Variants in MSRB3 observed in about 807,000 individuals in gnomAD.
The protein encoded by MSRB3 is methionine sulfoxide reductase B3, also known as methionine-R-sulfoxide reductase B3.
In MSRB3, 13 loss-of-function variants were observed where a neutral mutation model predicts 21.0. The ratio of observed to expected loss-of-function variants is 0.62; its 90% CI spans 0.40 to 0.98. The LOEUF (loss-of-function observed/expected upper bound fraction) is 0.98, where lower values mean the gene tolerates loss of function less well. MSRB3 is among the 50% of genes least tolerant of loss of function. MSRB3 has a pLI of 0.00. For synonymous variants in MSRB3, 87 were observed against 88.6 expected (o/e 0.98, Z 0.10); for missense variants, 199 against 230.3 (o/e 0.86, Z 0.88).
chr12:65,362,874 G>T (rs1156800449), intron 4 of MSRB3, among the ~76,000 whole-genome samples: 1 of 152,098 alleles, frequency 6.6e-6, no homozygotes, highest in African/African-American at 2.4e-5. Context: ...GTCACTGGTC[G>T]GTGAAGGCCT....
At chr12:65,441,529 C>A (rs935353024) in intron 5 of MSRB3, among the ~76,000 whole-genome samples, 1 of 151,866 alleles carries the variant, frequency 6.6e-6, no homozygotes, top group Non-Finnish European at 1.5e-5. Context: ...GTAACAGGAA[C>A]GTATATAGAA....
At chr12:65,387,391 A>G (rs557816941) in intron 5 of MSRB3, among the ~76,000 whole-genome samples, 1 of 152,164 alleles carries the variant, frequency 6.6e-6, no homozygotes, top group East Asian at 1.9e-4. Flanking sequence ...TCCAGCTCTG[A>G]ATATTTCTAT....
rs199788089 is a variant in MSRB3 at position 65,463,312 on chromosome 12, C to T, written c.548C>T (p.Ala183Val). Residue 183 changes from alanine (A) to valine (V), a missense_variant, in exon 7 of 7, where the codon GCG becomes GTG. Ala to Val is a moderately conservative substitution (Grantham distance 64). Transcript: ENST00000308259. ...GCCAGCCCGGCCCAGGCAGACAAAG[C>T]GGAGCTCTAGAGTAATGGAGAGTGA... ...GVASPAQADK[A>V]EL is the part of the protein sequence containing the mutation. The T allele has an allele frequency of 9.9e-6, 16 of 1,613,988 alleles. No homozygotes were observed. The highest frequency in any genetic ancestry group is 8.3e-5 in the Admixed American group (5 of 59,992).
chr12:65,460,186 A>G (rs947349996), intron 6 of MSRB3, among the ~76,000 whole-genome samples: 2 of 152,236 alleles, frequency 1.3e-5, no homozygotes, highest in Non-Finnish European at 1.5e-5. Context: ...AACCAGGTGT[A>G]CTGAGAAACC....
intron 1 of MSRB3, among the ~76,000 whole-genome samples, chr12:65,303,987 A>T (rs12300482): frequency 0.04 from 6,134 of 152,264 alleles, 413 homozygotes; most frequent in African/African-American, 0.14. Context: ...AAAAGGCTGA[A>T]GAGTTCAGCA....
At chr12:65,429,481 G>A (rs1881776511) in intron 5 of MSRB3, among the ~76,000 whole-genome samples, 1 of 152,088 alleles carries the variant, frequency 6.6e-6, no homozygotes, top group Admixed American at 6.6e-5. Flanking sequence ...TGGAGAGGTA[G>A]GCAGGAGTTG....
chr12:65,425,700 A>G (rs567754246), intron 5 of MSRB3, among the ~76,000 whole-genome samples: 11 of 151,622 alleles, frequency 7.3e-5, no homozygotes, highest in Non-Finnish European at 1.3e-4. Flanking sequence ...TTTTTTTTGT[A>G]TATCCCTCAG....
At chr12:65,396,613 C>T (rs1445878608) in intron 5 of MSRB3, among the ~76,000 whole-genome samples, 1 of 151,490 alleles carries the variant, frequency 6.6e-6, no homozygotes, top group Non-Finnish European at 1.5e-5. Flanking sequence ...ATCACTTGAA[C>T]CCGGGAAGCA....
At chr12:65,396,935 T>A (rs1879851493) in intron 5 of MSRB3, among the ~76,000 whole-genome samples, 1 of 152,154 alleles carries the variant, frequency 6.6e-6, no homozygotes, top group Non-Finnish European at 1.5e-5. Context: ...ACCTGCTGGG[T>A]CTGTCCATTT....
intron 4 of MSRB3, among the ~76,000 whole-genome samples, chr12:65,363,476 T>G (rs1204542273): frequency 6.6e-6 from 1 of 152,190 alleles, no homozygotes; most frequent in Non-Finnish European, 1.5e-5. Flanking sequence ...AATGCATATA[T>G]TACATAATTT....
intron 5 of MSRB3, among the ~76,000 whole-genome samples, chr12:65,397,481 T>A (rs1024294434): frequency 2.6e-5 from 4 of 152,162 alleles, no homozygotes; most frequent in Non-Finnish European, 4.4e-5. Flanking sequence ...GCCATTGGTT[T>A]TTTCTTTTGT....
intron 5 of MSRB3, among the ~76,000 whole-genome samples, chr12:65,428,148 G>T (rs1405814568): frequency 6.6e-6 from 1 of 152,186 alleles, no homozygotes; most frequent in Non-Finnish European, 1.5e-5. Context: ...TTATTTCAGT[G>T]GCAAAAGATA....
intron 5 of MSRB3, chr12:65,419,085 C>T: frequency 1.4e-6 from 1 of 695,470 alleles, no homozygotes. Flanking sequence ...TCATGGAGTC[C>T]AGGTCAGTCT....
chr12:65,427,775 A>G (rs1329195971), intron 5 of MSRB3, among the ~76,000 whole-genome samples: 1 of 152,236 alleles, frequency 6.6e-6, no homozygotes, highest in African/African-American at 2.4e-5. Flanking sequence ...AAATGTGTGT[A>G]GTTACAGTGG....
chr12:65,390,398 C>A (rs372704157), intron 5 of MSRB3, among the ~76,000 whole-genome samples: 1 of 151,914 alleles, frequency 6.6e-6, no homozygotes, highest in African/African-American at 2.4e-5. Context: ...AAAAAAAAAT[C>A]AAAGGAAAAC....
At chr12:65,456,262 A>G (rs1200002269) in intron 6 of MSRB3, among the ~76,000 whole-genome samples, 1 of 152,192 alleles carries the variant, frequency 6.6e-6, no homozygotes, top group Non-Finnish European at 1.5e-5. Flanking sequence ...ATTTTCAAAC[A>G]TTGAATCTTA....
chr12:65,445,535 T>C (rs2136688199), intron 5 of MSRB3, among the ~76,000 whole-genome samples: 1 of 151,858 alleles, frequency 6.6e-6, no homozygotes, highest in South Asian at 2.1e-4. Context: ...TTGAATAGTA[T>C]ATTGTATTTA....
chr12:65,284,402 A>T (rs183123209), intron 1 of MSRB3: 1 of 152,388 alleles, frequency 6.6e-6, no homozygotes, highest in African/African-American at 2.4e-5. Flanking sequence ...AGAAATAAGC[A>T]ATTGGATATT....
chr12:65,421,391 T>G (rs922197601), intron 5 of MSRB3, among the ~76,000 whole-genome samples: 2 of 152,286 alleles, frequency 1.3e-5, no homozygotes, highest in African/African-American at 2.4e-5. Flanking sequence ...AGTTTGCAAA[T>G]ATTTTCTCCC....
Sources: allele counts gnomAD v4.1 joint callset (sites outside exome capture counted in the v4.1 genomes callset), GRCh38; gene constraint gnomAD v4.1.1; transcripts MANE v1.5; gene names NCBI Gene and HGNC (gene_info 2026-07-23, HGNC 2026-07-21).